ZBTB21: variants seen among roughly 807,000 people sequenced by gnomAD.
ZBTB21 encodes the protein zinc finger and BTB domain-containing protein 21.
A neutral mutation model predicts 39.8 loss-of-function variants in ZBTB21; 10 were observed. That is an observed-to-expected ratio of 0.25 (90% CI 0.16 to 0.43). The LOEUF is 0.43. Ranked by LOEUF, ZBTB21 falls within the 20% of genes least tolerant of loss-of-function variation. The pLI, the probability that ZBTB21 is intolerant of heterozygous loss-of-function variation, is 1.00. For missense variants in ZBTB21, 1,221 were observed against 1,296.3 expected (o/e 0.94, Z 0.89); for synonymous variants, 551 against 498.8 (o/e 1.10, Z -1.40).
chr21:41,992,742 C>T lies in ZBTB21; in HGVS notation c.1354G>A (p.Ala452Thr), dbSNP rs770844928. The change falls in exon 3 of 3, where the codon GCA becomes ACA. Residue 452 changes from alanine to threonine, a missense_variant. Transcript: ENST00000310826. The surrounding 1 kb of genome is among the most constrained non-coding windows in gnomAD (Gnocchi z 4.1). Reference sequence around the variant, plus strand: ...GAAGATGAGGCAGCTGCTGTTGTTGCCGCATCTCCCACAGTGACGCGGATG... The same window carrying T: ...GAAGATGAGGCAGCTGCTGTTGTTGTCGCATCTCCCACAGTGACGCGGATG... ...DIIRVTVGDA[A>T]TTAAASSSSV... 4 of 1,614,048 alleles carry T rather than the reference C, an allele frequency of 2.5e-6. No individual in the cohort carries two copies. Among genetic ancestry groups the T allele is most frequent in the African/African-American group, 2.7e-5 (2 of 74,902 alleles).
rs1044768184 is a variant in ZBTB21 at position 41,987,028 on chromosome 21, T to A, written c.*3867A>T. 3 of 152,656 alleles carry A rather than the reference T, an allele frequency of 2.0e-5. No homozygotes were observed. The highest frequency in any genetic ancestry group is 4.4e-5 in the Non-Finnish European group (3 of 68,044). 9.5% of individuals were successfully genotyped at this position (152,656 alleles called of 1,614,324 possible). On this transcript the variant is annotated 3_prime_UTR_variant, in exon 3 of 3. Coordinates refer to ENST00000310826, the MANE Select transcript of ZBTB21 (RefSeq NM_001098402.2). ...AAATGACTTACTCTGCTAAGGCATA[T>A]GACAAAATACACAGAATTATAAAAC...
chr21:42,006,888 C>T (rs2065885508), intron 1 of ZBTB21, among the ~76,000 whole-genome samples: 1 of 152,142 alleles, frequency 6.6e-6, no homozygotes, highest in Non-Finnish European at 1.5e-5. Context: ...CAAGAAGATG[C>T]CATCTATAAG....
In ZBTB21 at chr21:41,990,189, C is replaced by G. The variant is rs1349216595; in HGVS notation, c.*706G>C. On this transcript the variant is annotated 3_prime_UTR_variant, in exon 3 of 3. Transcript: ENST00000310826. The stretch of plus-strand genomic sequence containing the variant: ...CTTATAAACTGACTGTAGGGGACTT[C>G]CATAAATTGTTTTCATTTCCCAGGT... 6.6e-6 allele frequency: 1 copy of G among 152,532 alleles called. No individual in the cohort carries two copies. The highest frequency in any genetic ancestry group is 6.5e-5 in the Admixed American group (1 of 15,280). The allele number at this position is 152,532 out of a possible 1,614,324, so 9.4% of individuals were successfully genotyped here.
intron 1 of ZBTB21, among the ~76,000 whole-genome samples, chr21:42,007,528 T>A (rs2065893714): frequency 6.6e-6 from 1 of 152,206 alleles, no homozygotes; most frequent in South Asian, 2.1e-4. Context: ...CTTGGCTAAC[T>A]TCTTTCGAAA....
Position 41,992,870 on chromosome 21 carries a change from G to A in ZBTB21, c.1226C>T (p.Ser409Phe). The A allele has an allele frequency of 6.2e-7, 1 of 1,614,198 alleles. No homozygotes were observed. The change falls in exon 3 of 3, where the codon TCC becomes TTC. Residue 409 changes from serine (S) to phenylalanine (F), a missense_variant. Physicochemically the swap from Ser to Phe is radical, Grantham distance 155. Coordinates refer to ENST00000310826, the MANE Select transcript of ZBTB21 (RefSeq NM_001098402.2). The surrounding 1 kb of genome is among the most constrained non-coding windows in gnomAD (Gnocchi z 4.1). The stretch of plus-strand genomic sequence containing the variant: ...GTCTGTTGACTGAGAAGCACTAAAG[G>A]ACCTGAGGCGATGCGGTTGTAGCAC... ...PQVLQPHRLR[S>F]FSASQSTDRE...
At position 41,991,284 on chromosome 21, in the gene ZBTB21, T is replaced by TA. The variant is rs1475317597; in HGVS notation, c.2811dup (p.Ile938TyrfsTer12). 1 of 1,613,760 alleles carries TA rather than the reference T, an allele frequency of 6.2e-7. No homozygotes were observed. The highest frequency in any genetic ancestry group is 1.7e-5 in the Admixed American group (1 of 59,998). Reference sequence around the variant, plus strand: ...AAAGCTTTGTTGCACACGTGACAAATAAATGGTTTCACAGAGCACAGAAGC... The same window carrying TA: ...AAAGCTTTGTTGCACACGTGACAAATAAAATGGTTTCACAGAGCACAGAAGC... On this transcript the variant is annotated frameshift_variant, in exon 3 of 3. Transcript: ENST00000310826. LOFTEE classifies it high-confidence loss of function. The surrounding 1 kb of genome is among the most constrained non-coding windows in gnomAD (Gnocchi z 4.9).
At chr21:42,005,811 C>G (rs911258985) in intron 1 of ZBTB21, among the ~76,000 whole-genome samples, 1 of 150,908 alleles carries the variant, frequency 6.6e-6, no homozygotes, top group African/African-American at 2.4e-5. Flanking sequence ...GTGCACCAAA[C>G]AGACAAGACC....
chr21:42,010,007 C>T (rs1447419132), intron 1 of ZBTB21, among the ~76,000 whole-genome samples: 1 of 152,244 alleles, frequency 6.6e-6, no homozygotes, highest in East Asian at 1.9e-4. Flanking sequence ...AGGCCAAGTG[C>T]TGGCAGGGAG....
chr21:41,989,283 A>T lies in ZBTB21; in HGVS notation c.*1612T>A, dbSNP rs1054337130. ...ATTTTATAAAAATGTCTGGTTCAAT[A>T]AAAAAAATGAGAATATCTTTCCTAC... On this transcript the variant is annotated 3_prime_UTR_variant, in exon 3 of 3. Transcript: ENST00000310826. The T allele has an allele frequency of 2.2e-4, 34 of 151,930 alleles. No homozygotes were observed. Among genetic ancestry groups the T allele is most frequent in the African/African-American group, 8.0e-4 (33 of 41,376 alleles). The allele number at this position is 151,930 out of a possible 1,614,324, so 9.4% of individuals were successfully genotyped here.
At position 41,992,736 on chromosome 21, in the gene ZBTB21, T is replaced by C. The variant is rs1342242255; in HGVS notation, c.1360A>G (p.Thr454Ala). 6.2e-7 allele frequency: 1 copy of C among 1,614,170 alleles called. No individual in the cohort carries two copies. Among genetic ancestry groups the C allele is most frequent in the South Asian group, 1.1e-5 (1 of 91,080 alleles). The change falls in exon 3 of 3, where the codon ACA (threonine) becomes GCA (alanine). Residue 454 changes from threonine to alanine, a missense_variant. Thr to Ala is a moderately conservative substitution (Grantham distance 58). Coordinates refer to ENST00000310826, the MANE Select transcript of ZBTB21 (RefSeq NM_001098402.2). This position sits in a 1 kb window ranked among gnomAD's most constrained non-coding sequence, Gnocchi z 4.1. ...ACCGACGAAGATGAGGCAGCTGCTG[T>C]TGTTGCCGCATCTCCCACAGTGACG... ...IRVTVGDAAT[T>A]AAASSSSVTR...
chr21:42,000,154 G>T (rs1350458042), intron 2 of ZBTB21, among the ~76,000 whole-genome samples: 1 of 152,186 alleles, frequency 6.6e-6, no homozygotes, highest in African/African-American at 2.4e-5. Context: ...GTGGAGTTAA[G>T]TATTCTGCCA....
chr21:42,008,338 T>A (rs1350819635), intron 1 of ZBTB21, among the ~76,000 whole-genome samples: 1 of 42,746 alleles, frequency 2.3e-5, no homozygotes, highest in Admixed American at 2.5e-4. Flanking sequence ...AAACCCCGTC[T>A]CTACAAAAAA....
intron 2 of ZBTB21, among the ~76,000 whole-genome samples, chr21:41,996,845 T>C (rs941690638): frequency 6.6e-6 from 1 of 152,172 alleles, no homozygotes; most frequent in Non-Finnish European, 1.5e-5. Context: ...CTTCTTGTGA[T>C]AGTGAATAAA....
chr21:42,003,329 G>A (rs560486114), intron 1 of ZBTB21, among the ~76,000 whole-genome samples: 2 of 152,346 alleles, frequency 1.3e-5, no homozygotes, highest in Non-Finnish European at 2.9e-5. Context: ...GTGATGGGGA[G>A]ATGAGTAACT....
At chr21:42,009,514 G>A (rs399888) in intron 1 of ZBTB21, 93,758 of 152,238 alleles carry the variant, frequency 0.62, 30,462 homozygotes, top group African/African-American at 0.78. Context: ...ACGGTCGCCG[G>A]CCGAGCAGCA....
Position 41,992,726 on chromosome 21 carries a change from G to T in ZBTB21, c.1370C>A (p.Ala457Asp), listed in dbSNP as rs2065681817. The T allele has an allele frequency of 6.2e-7, 1 of 1,614,178 alleles. No individual in the cohort carries two copies. Among genetic ancestry groups the T allele is most frequent in the Non-Finnish European group, 8.5e-7 (1 of 1,180,030 alleles). ...GTCTCTTGTGACCGACGAAGATGAG[G>T]CAGCTGCTGTTGTTGCCGCATCTCC... ...TVGDAATTAAASSSSVTRDLS... is the reference protein window; with the variant it reads ...TVGDAATTAADSSSSVTRDLS... The change falls in exon 3 of 3, where the codon GCC (alanine) becomes GAC (aspartate). Residue 457 changes from alanine (A) to aspartate (D), a missense_variant. This residue lies in a region of ZBTB21 where 500 missense variants were observed against 465.6 expected (regional missense o/e 1.07). Coordinates refer to ENST00000310826, the MANE Select transcript of ZBTB21 (RefSeq NM_001098402.2). This position sits in a 1 kb window ranked among gnomAD's most constrained non-coding sequence, Gnocchi z 4.1.
chr21:41,991,238 CAG>C lies in ZBTB21; in HGVS notation c.2856_2857del (p.Trp953GlufsTer17). ...AGACATGTGCGATTGGAAGTGACTC[CAG>C]AGTCGAAAATTAGTGCGAAAAGCTT... is the stretch of plus-strand genomic sequence containing the variant. On this transcript the variant is annotated frameshift_variant, in exon 3 of 3. Transcript: ENST00000310826. LOFTEE classifies it high-confidence loss of function. This position sits in a 1 kb window ranked among gnomAD's most constrained non-coding sequence, Gnocchi z 4.9. 1 of 1,614,154 alleles carries C rather than the reference CAG, an allele frequency of 6.2e-7. No individual in the cohort carries two copies. The highest frequency in any genetic ancestry group is 8.5e-7 in the Non-Finnish European group (1 of 1,180,024).
chr21:41,991,675 T>C lies in ZBTB21; in HGVS notation c.2421A>G (p.Glu807=), dbSNP rs1451083317. ...GGTCCAAAACGGGCAAAGAAAAGTT[T>C]TCGGTGGGTGCCATGTTGTTCTGAT... ...VHNQNNMAPT[E]NFSLPVLDHN... is the part of the protein sequence containing the mutation. Residue 807 remains glutamate, a synonymous_variant, in exon 3 of 3, where the codon GAA becomes GAG. Coordinates refer to ENST00000310826, the MANE Select transcript of ZBTB21 (RefSeq NM_001098402.2). The surrounding 1 kb of genome is among the most constrained non-coding windows in gnomAD (Gnocchi z 4.9). 1.2e-6 allele frequency: 2 copies of C among 1,614,096 alleles called. No homozygotes were observed. The highest frequency in any genetic ancestry group is 1.7e-6 in the Non-Finnish European group (2 of 1,180,012).
Position 41,998,212 on chromosome 21 carries a change from G to C in ZBTB21, c.-13-4104C>G, listed in dbSNP as rs467244. ...TTTTCATTTTTTTTTTTTTTTTCTA[G>C]ACAGGGTCTCGCTCTGTTGCCCAGG... On this transcript the variant is annotated intron_variant, in intron 2 of 2. Coordinates refer to ENST00000310826, the MANE Select transcript of ZBTB21 (RefSeq NM_001098402.2). Among the ~76,000 whole-genome samples the C allele has an allele frequency of 2.6e-3, 371 of 140,390 alleles. 4 individuals carry two copies. Among genetic ancestry groups the C allele is most frequent in the African/African-American group, 9.5e-3 (355 of 37,272 alleles). 92.1% of individuals were successfully genotyped at this position (140,390 alleles called of 152,430 possible). A position where few individuals can be genotyped will look rare whatever the true frequency, so the allele number is the denominator to read the frequency against.
Sources: gnomAD v4.1 joint callset for allele counts (sites outside exome capture counted in the v4.1 genomes callset) on GRCh38, gnomAD v4.1.1 for gene constraint, gnomAD v4.1.1 regional missense constraint, Gnocchi (gnomAD v3.1) non-coding constraint, MANE v1.5 for transcripts, NCBI Gene and HGNC (gene_info 2026-07-23, HGNC 2026-07-21) for gene names.